MPZL1: variants seen among roughly 807,000 people sequenced by gnomAD.
MPZL1 encodes myelin protein zero like 1.
Under a neutral mutation model 29.3 loss-of-function variants are expected in MPZL1, and 16 were observed. That is an observed-to-expected ratio of 0.55 (90% CI 0.37 to 0.83). The LOEUF is 0.83. MPZL1 is among the 40% of genes least tolerant of loss of function. The pLI is 0.00. For synonymous variants in MPZL1, 143 were observed against 132.0 expected (o/e 1.08, Z -0.57); for missense variants, 279 against 332.9 (o/e 0.84, Z 1.26).
chr1:167,786,430 T>C (rs1661594866), intron 5 of MPZL1, among the ~76,000 whole-genome samples: 1 of 152,244 alleles, frequency 6.6e-6, no homozygotes, highest in Non-Finnish European at 1.5e-5. Context: ...TAGATATTAT[T>C]AGTAGTACCA....
Position 167,765,744 on chromosome 1 carries a change from G to A in MPZL1, c.253G>A (p.Val85Met). 2 of 1,600,700 alleles carry A rather than the reference G, an allele frequency of 1.2e-6. No individual in the cohort carries two copies. The highest frequency in any genetic ancestry group is 1.7e-6 in the Non-Finnish European group (2 of 1,174,416). ...SFQPEGADTT[V>M]SFFHYSQGQV... ...CCAGCCAGAGGGGGCCGACACTACT[G>A]TGTCGGTAAGAATGCTTGACTTCTC... Residue 85 changes from valine (V) to methionine (M), a missense_variant, in exon 2 of 6, where the codon GTG becomes ATG. By Grantham distance (21) the Val-to-Met change is conservative. Coordinates refer to ENST00000359523, the MANE Select transcript of MPZL1 (RefSeq NM_003953.6).
intron 1 of MPZL1, among the ~76,000 whole-genome samples, chr1:167,762,457 G>A (rs1451935468): frequency 6.6e-6 from 1 of 152,218 alleles, no homozygotes; most frequent in African/African-American, 2.4e-5. Context: ...TTTATGGACA[G>A]AAAAAGGAAA....
At chr1:167,757,976 CCT>C (rs1379866431) in intron 1 of MPZL1, among the ~76,000 whole-genome samples, 1 of 151,840 alleles carries the variant, frequency 6.6e-6, no homozygotes, top group Non-Finnish European at 1.5e-5. Context: ...ATGGTAAAAC[CCT>C]GTCTCTACTT....
In MPZL1 at chr1:167,788,016, C is replaced by T; in HGVS notation, c.*95C>T. 1 of 965,240 alleles carries T rather than the reference C, an allele frequency of 1.0e-6. No homozygotes were observed. The highest frequency in any genetic ancestry group is 1.6e-6 in the Non-Finnish European group (1 of 608,044). 59.8% of individuals were successfully genotyped at this position (965,240 alleles called of 1,614,324 possible). A position where few individuals can be genotyped will look rare whatever the true frequency, so the allele number is the denominator to read the frequency against. On this transcript the variant is annotated 3_prime_UTR_variant, in exon 6 of 6. Transcript: ENST00000359523. The stretch of plus-strand genomic sequence containing the variant: ...CATTACCACATGTAGCCTTGGAGAC[C>T]CAGGCAAGGACAAGTACACGTGTAC...
At position 167,771,047 on chromosome 1, in the gene MPZL1, A is replaced by G. The variant is rs576507581; in HGVS notation, c.259-1228A>G. On this transcript the variant is annotated intron_variant, in intron 2 of 5. Coordinates refer to ENST00000359523, the MANE Select transcript of MPZL1 (RefSeq NM_003953.6). ...TTGATCATTCTTGGGTGTTTCTCGG[A>G]GAGGGGGATGTGGCAGGGTCATAGG... Among the ~76,000 whole-genome samples, 274 of 137,790 alleles carry G rather than the reference A, an allele frequency of 2.0e-3. 2 individuals are homozygous for G. The highest frequency in any genetic ancestry group is 7.3e-3 in the African/African-American group (263 of 36,048). 90.4% of individuals were successfully genotyped at this position (137,790 alleles called of 152,430 possible). A position where few individuals can be genotyped will look rare whatever the true frequency, so the allele number is the denominator to read the frequency against.
At chr1:167,771,014 T>G (rs1661232610) in intron 2 of MPZL1, among the ~76,000 whole-genome samples, 2 of 151,876 alleles carry the variant, frequency 1.3e-5, no homozygotes, top group Non-Finnish European at 2.9e-5. Context: ...TTTTTTTTTT[T>G]TTTTTAATTG....
chr1:167,771,569 G>A (rs1402566368), intron 2 of MPZL1, among the ~76,000 whole-genome samples: 1 of 152,212 alleles, frequency 6.6e-6, no homozygotes, highest in Non-Finnish European at 1.5e-5. Flanking sequence ...AGATTGCACA[G>A]CGGCCAGGCA....
At chr1:167,722,432 G>A (rs1042205483) in intron 1 of MPZL1, among the ~76,000 whole-genome samples, 190 bp downstream of exon 1, 1 of 152,242 alleles carries the variant, frequency 6.6e-6, no homozygotes, top group African/African-American at 2.4e-5. Flanking sequence ...TGGCCGGGAA[G>A]GCGCAGAGCC....
At chr1:167,758,709 A>G (rs897104961) in intron 1 of MPZL1, among the ~76,000 whole-genome samples, 4 of 152,100 alleles carry the variant, frequency 2.6e-5, no homozygotes, top group Admixed American at 2.0e-4. Context: ...TTCCTATTTT[A>G]AGGGTCAGTG....
chr1:167,757,719 C>A lies in MPZL1; in HGVS notation c.92-7864C>A, dbSNP rs147448441. 6.4e-3 allele frequency among the ~76,000 whole-genome samples: 971 copies of A among 152,240 alleles called. 4 individuals carry two copies. Among genetic ancestry groups the A allele is most frequent in the Middle Eastern group, 0.01 (3 of 294 alleles). Reference sequence around the variant, plus strand: ...ACAAAGAACAAGAGATAGGTCAGAACGCTGTTTAAATAAATTGCTTGATTG... The same window carrying A: ...ACAAAGAACAAGAGATAGGTCAGAAAGCTGTTTAAATAAATTGCTTGATTG... On this transcript the variant is annotated intron_variant, in intron 1 of 5. Coordinates refer to ENST00000359523, the MANE Select transcript of MPZL1 (RefSeq NM_003953.6).
At position 167,788,721 on chromosome 1, in the gene MPZL1, G is replaced by A. The variant is rs1317374360; in HGVS notation, c.*800G>A. The A allele has an allele frequency of 6.6e-6, 1 of 152,142 alleles. No homozygotes were observed. The highest frequency in any genetic ancestry group is 1.9e-4 in the East Asian group (1 of 5,196). The allele number at this position is 152,142 out of a possible 1,614,324, so 9.4% of individuals were successfully genotyped here. A position where few individuals can be genotyped will look rare whatever the true frequency, so the allele number is the denominator to read the frequency against. ...GTAACGTGGAGAGTAAAAAGTATCG[G>A]TTTTATTCTTTGCTGATGTCCTTTC... On this transcript the variant is annotated 3_prime_UTR_variant, in exon 6 of 6. Coordinates refer to ENST00000359523, the MANE Select transcript of MPZL1 (RefSeq NM_003953.6).
intron 1 of MPZL1, among the ~76,000 whole-genome samples, chr1:167,737,952 G>A (rs1310659230): frequency 1.3e-5 from 2 of 152,112 alleles, no homozygotes; most frequent in Admixed American, 1.3e-4. Context: ...TTTTGAGACA[G>A]AGTCTTGCTC....
chr1:167,742,150 A>G (rs1414376636), intron 1 of MPZL1, among the ~76,000 whole-genome samples: 6 of 149,164 alleles, frequency 4.0e-5, no homozygotes, highest in Non-Finnish European at 7.4e-5. Context: ...AAAATTAGCC[A>G]GGCGTGGTGG....
At chr1:167,748,913 A>G (rs575338636) in intron 1 of MPZL1, among the ~76,000 whole-genome samples, 4 of 152,246 alleles carry the variant, frequency 2.6e-5, no homozygotes, top group African/African-American at 9.6e-5. Context: ...TTATGTTGAT[A>G]TATCATAGCT....
rs527342970 is a variant in MPZL1, at chr1:167,770,728, T to C, written c.259-1547T>C. Among the ~76,000 whole-genome samples the C allele has an allele frequency of 9.6e-4, 146 of 152,342 alleles. 2 individuals are homozygous for C. Among genetic ancestry groups the C allele is most frequent in the African/African-American group, 3.3e-3 (139 of 41,568 alleles). On this transcript the variant is annotated intron_variant, in intron 2 of 5. Transcript: ENST00000359523. ...AATCATGGTGTTACTGGAAGAACAT[T>C]GGCTTTGAAGACTCAGATGGGCCTA...
intron 1 of MPZL1, among the ~76,000 whole-genome samples, chr1:167,727,766 C>T (rs925376615): frequency 8.5e-5 from 13 of 152,112 alleles, no homozygotes; most frequent in Non-Finnish European, 1.5e-4. Context: ...CAGTTGGCTC[C>T]GTTCACCATA....
chr1:167,735,827 T>C (rs543631708), intron 1 of MPZL1, among the ~76,000 whole-genome samples: 8 of 152,198 alleles, frequency 5.3e-5, no homozygotes, highest in Non-Finnish European at 8.8e-5. Flanking sequence ...ATATTAATCT[T>C]ATCAGAAAAC....
intron 1 of MPZL1, among the ~76,000 whole-genome samples, chr1:167,722,520 G>A (rs1660055493): frequency 1.3e-5 from 2 of 152,136 alleles, no homozygotes; most frequent in African/African-American, 4.8e-5. Flanking sequence ...CCGGGGGGCG[G>A]TCCAGGGGAG....
At chr1:167,760,980 CA>C (rs939873183) in intron 1 of MPZL1, among the ~76,000 whole-genome samples, 4 of 148,924 alleles carry the variant, frequency 2.7e-5, no homozygotes, top group East Asian at 1.9e-4. Context: ...TGTTAAAAAA[CA>C]AAAAAAAAGG....
Sources: gnomAD v4.1 joint callset for allele counts (sites outside exome capture counted in the v4.1 genomes callset) on GRCh38, gnomAD v4.1.1 for gene constraint, MANE v1.5 for transcripts, NCBI Gene and HGNC (gene_info 2026-07-23, HGNC 2026-07-21) for gene names.